LRRC7: variants seen among roughly 807,000 people sequenced by gnomAD.
LRRC7 encodes leucine-rich repeat-containing protein 7.
Under a neutral mutation model 175.7 loss-of-function variants are expected in LRRC7, and 23 were observed. The ratio of observed to expected loss-of-function variants is 0.13; its 90% CI spans 0.09 to 0.19. LRRC7 has a LOEUF of 0.19. LRRC7 is among the 10% of genes least tolerant of loss of function. The pLI is 1.00. For synonymous variants in LRRC7, 685 were observed against 680.9 expected, an observed-to-expected ratio of 1.01 and a Z score of -0.09; for missense variants, 1,354 against 1,904.7, an observed-to-expected ratio of 0.71 and a Z score of 5.38.
At chr1:70,050,308 A>G (rs996519801) in intron 22 of LRRC7, among the ~76,000 whole-genome samples, 2 of 151,812 alleles carry the variant, frequency 1.3e-5, no homozygotes, top group Admixed American at 6.6e-5. Context: ...AAATACCCAC[A>G]CTCATCTTTG....
intron 8 of LRRC7, among the ~76,000 whole-genome samples, chr1:69,962,162 G>A (rs1377478812): frequency 6.6e-6 from 1 of 151,804 alleles, no homozygotes; most frequent in Non-Finnish European, 1.5e-5. Context: ...TTTAAAAGTG[G>A]GCAAAGGACA....
intron 17 of LRRC7, among the ~76,000 whole-genome samples, chr1:70,023,830 G>A (rs1202614002): frequency 6.6e-6 from 1 of 152,036 alleles, no homozygotes; most frequent in African/African-American, 2.4e-5. Context: ...GCTGAGAGTG[G>A]CCTTTAAGCA....
At chr1:69,696,698 T>C (rs919293134) in intron 2 of LRRC7, among the ~76,000 whole-genome samples, 1 of 152,180 alleles carries the variant, frequency 6.6e-6, no homozygotes, top group Admixed American at 6.5e-5. Flanking sequence ...CTTGGTGCTG[T>C]CCTCGTGATA....
At chr1:69,804,618 T>C (rs1244984309) in intron 4 of LRRC7, among the ~76,000 whole-genome samples, 1 of 151,668 alleles carries the variant, frequency 6.6e-6, no homozygotes, top group Non-Finnish European at 1.5e-5. Context: ...ATATCTACAT[T>C]GCATGTAAAT....
rs1004536910 is a variant in LRRC7 at position 70,138,306 on chromosome 1, A to G, written c.*16419A>G. 6.6e-6 allele frequency: 1 copy of G among 152,228 alleles called. No homozygotes were observed. Among genetic ancestry groups the G allele is most frequent in the Non-Finnish European group, 1.5e-5 (1 of 68,028 alleles). 9.4% of individuals were successfully genotyped at this position (152,228 alleles called of 1,614,324 possible). ...AAAGGTATTGAAAAAAAAGCTCTGTATCTTTGTATATTCAGTTGTCAACAT... is the reference window on the plus strand; with the variant it reads ...AAAGGTATTGAAAAAAAAGCTCTGTGTCTTTGTATATTCAGTTGTCAACAT... On this transcript the variant is annotated 3_prime_UTR_variant, in exon 27 of 27. Transcript: ENST00000651989.
rs1448352691 is a variant in LRRC7 at position 69,837,731 on chromosome 1, G to A, written c.591-496G>A. ...TTATAAAACATATGAAATTTAGAAG[G>A]CTGGAATCCAAAGATATCTTTAAAA... On this transcript the variant is annotated intron_variant, in intron 6 of 26. Coordinates refer to ENST00000651989, the MANE Select transcript of LRRC7 (RefSeq NM_001370785.2). Among the ~76,000 whole-genome samples, 4 of 151,464 alleles carry A rather than the reference G, an allele frequency of 2.6e-5. No homozygotes were observed. In the Admixed American group the frequency reaches 2.6e-4, roughly 10 times the overall value.
intron 1 of LRRC7, among the ~76,000 whole-genome samples, chr1:69,614,810 G>C (rs999480342): frequency 1.3e-5 from 2 of 151,952 alleles, no homozygotes; most frequent in Non-Finnish European, 2.9e-5. Flanking sequence ...AATGACACCA[G>C]GCAACTGTAA....
chr1:69,829,686 C>G (rs2101282230), intron 5 of LRRC7, among the ~76,000 whole-genome samples: 1 of 151,780 alleles, frequency 6.6e-6, no homozygotes, highest in Admixed American at 6.6e-5. Context: ...TTAAATAAAT[C>G]AATTACATGT....
intron 7 of LRRC7, among the ~76,000 whole-genome samples, chr1:69,913,310 G>C (rs1361273082): frequency 6.6e-6 from 1 of 152,142 alleles, no homozygotes; most frequent in African/African-American, 2.4e-5. Context: ...TGTTGTTCTT[G>C]AGGGAAGTTG....
In LRRC7 at chr1:70,039,234, T is replaced by A. The variant is rs1659637754; in HGVS notation, c.3410T>A (p.Val1137Glu). 1 of 1,613,754 alleles carries A rather than the reference T, an allele frequency of 6.2e-7. No homozygotes were observed. Among genetic ancestry groups the A allele is most frequent in the Non-Finnish European group, 8.5e-7 (1 of 1,179,970 alleles). Residue 1137 changes from valine to glutamate, a missense_variant, in exon 21 of 27, where the codon GTG becomes GAG. Physicochemically the swap from Val to Glu is moderately radical, Grantham distance 121. Around this residue, in one of 4 missense-constraint regions of LRRC7, gnomAD observed 1,032 missense variants for 1,227.2 expected, o/e 0.84. Coordinates refer to ENST00000651989, the MANE Select transcript of LRRC7 (RefSeq NM_001370785.2). ...CCATCTGTGAATGAGGATGCTGTGG[T>A]GAATGCCCAGTTCGCAAGCCAAGGG... ...SQPSVNEDAV[V>E]NAQFASQGAR...
chr1:69,584,649 T>C (rs1646334908), intron 1 of LRRC7, among the ~76,000 whole-genome samples: 3 of 152,188 alleles, frequency 2.0e-5, no homozygotes, highest in Admixed American at 2.0e-4. Context: ...AATAATACTT[T>C]AGATATACAA....
At chr1:70,103,983 C>T (rs1664976226) in intron 25 of LRRC7, among the ~76,000 whole-genome samples, 1 of 152,092 alleles carries the variant, frequency 6.6e-6, no homozygotes, top group Non-Finnish European at 1.5e-5. Context: ...CATAATTTGT[C>T]CTTCATTTAG....
chr1:70,025,834 G>GC (rs932766843), intron 17 of LRRC7, among the ~76,000 whole-genome samples: 1 of 144,436 alleles, frequency 6.9e-6, no homozygotes, highest in African/African-American at 2.5e-5. Flanking sequence ...CAATTTAAGG[G>GC]GGGGGGGGTC....
Position 70,138,145 on chromosome 1 carries a change from T to C in LRRC7, c.*16258T>C, listed in dbSNP as rs1666939582. 1 of 152,204 alleles carries C rather than the reference T, an allele frequency of 6.6e-6. No homozygotes were observed. The highest frequency in any genetic ancestry group is 1.5e-5 in the Non-Finnish European group (1 of 68,034). 9.4% of individuals were successfully genotyped at this position (152,204 alleles called of 1,614,324 possible). ...TCATTGCGCATCAACTTAGAAAATGTGAATTGATTAAAAATATGTGATGGA... is the reference window on the plus strand; with the variant it reads ...TCATTGCGCATCAACTTAGAAAATGCGAATTGATTAAAAATATGTGATGGA... On this transcript the variant is annotated 3_prime_UTR_variant, in exon 27 of 27. Coordinates refer to ENST00000651989, the MANE Select transcript of LRRC7 (RefSeq NM_001370785.2).
chr1:69,688,286 T>A (rs1661424596), intron 2 of LRRC7, among the ~76,000 whole-genome samples: 1 of 152,196 alleles, frequency 6.6e-6, no homozygotes, highest in Non-Finnish European at 1.5e-5. Flanking sequence ...TCCAATTGAC[T>A]TCACCTCAAG....
intron 2 of LRRC7, among the ~76,000 whole-genome samples, chr1:69,746,572 G>T (rs1669278795): frequency 6.6e-6 from 1 of 151,352 alleles, no homozygotes; most frequent in African/African-American, 2.4e-5. Context: ...TATTTGCTTT[G>T]TTTATTTATT....
chr1:69,713,450 T>G (rs559578338), intron 2 of LRRC7, among the ~76,000 whole-genome samples: 6 of 152,246 alleles, frequency 3.9e-5, no homozygotes, highest in African/African-American at 1.4e-4. Context: ...GAGCCGTGAT[T>G]GTGCCACTGC....
chr1:69,596,041 C>T (rs1358499183), intron 1 of LRRC7, among the ~76,000 whole-genome samples: 1 of 140,832 alleles, frequency 7.1e-6, no homozygotes, highest in Admixed American at 7.1e-5. Flanking sequence ...ATGCAATTAT[C>T]CTTAATCACT....
intron 2 of LRRC7, among the ~76,000 whole-genome samples, chr1:69,735,369 A>T (rs1352247837): frequency 1.3e-5 from 2 of 152,124 alleles, no homozygotes; most frequent in Non-Finnish European, 1.5e-5. Flanking sequence ...TTCTCCAGTC[A>T]TCTTTTAAAA....
Sources: gnomAD v4.1 joint callset for allele counts (sites outside exome capture counted in the v4.1 genomes callset) on GRCh38, gnomAD v4.1.1 for gene constraint, gnomAD v4.1.1 regional missense constraint, MANE v1.5 for transcripts, NCBI Gene and HGNC (gene_info 2026-07-23, HGNC 2026-07-21) for gene names.